The following UTRN variants were observed in gnomAD, a reference collection of about 807,000 sequenced individuals.
UTRN encodes dystrophin-related protein 1.
Under a neutral mutation model 463.9 loss-of-function variants are expected in UTRN, and 283 were observed. The observed-to-expected ratio is 0.61, with a 90% CI of 0.55 to 0.67. The LOEUF is 0.67. UTRN is among the 30% of genes least tolerant of loss of function. UTRN has a pLI of 0.00. For missense variants in UTRN, 3,922 were observed against 4,084.3 expected (o/e 0.96, Z 1.08); for synonymous variants, 1,442 against 1,431.5 (o/e 1.01, Z -0.17).
At chr6:144,741,473 G>A (rs186971237) in intron 54 of UTRN, among the ~76,000 whole-genome samples, 1 of 152,114 alleles carries the variant, frequency 6.6e-6, no homozygotes, top group Non-Finnish European at 1.5e-5. Context: ...TACGTTTTGA[G>A]TGCCTACCAT....
At chr6:144,688,440 C>G (rs79926719) in intron 52 of UTRN, among the ~76,000 whole-genome samples, 1 of 152,030 alleles carries the variant, frequency 6.6e-6, no homozygotes, top group Middle Eastern at 3.2e-3. Context: ...GTTAAAGAAC[C>G]CTGTTTGGTC....
At chr6:144,482,434 T>TATG in intron 27 of UTRN, 46 bp downstream of exon 27, 1 of 1,154,724 alleles carries the variant, frequency 8.7e-7, no homozygotes, top group Non-Finnish European at 1.1e-6. Context: ...TTATTATTAT[T>TATG]ATTATTATTT....
At chr6:144,405,608 A>G (rs1380863123) in intron 3 of UTRN, among the ~76,000 whole-genome samples, 5 of 152,180 alleles carry the variant, frequency 3.3e-5, no homozygotes, top group Non-Finnish European at 5.9e-5. Context: ...CTACTTCCCT[A>G]CAGTGTGGGT....
intron 51 of UTRN, among the ~76,000 whole-genome samples, chr6:144,618,857 T>C (rs1481772715): frequency 6.6e-6 from 1 of 152,092 alleles, no homozygotes; most frequent in African/African-American, 2.4e-5. Context: ...ACACCAAATA[T>C]GTTTTATTTA....
chr6:144,727,486 T>C (rs887000986), intron 53 of UTRN, among the ~76,000 whole-genome samples: 4 of 152,288 alleles, frequency 2.6e-5, no homozygotes, highest in African/African-American at 4.8e-5. Flanking sequence ...GAGCCAGGCG[T>C]GGTGGCCCAT....
chr6:144,836,451 A>G lies in UTRN; in HGVS notation c.9975A>G (p.Lys3325=), dbSNP rs1239537363. Residue 3325 remains lysine (K), a synonymous_variant, in exon 71 of 75, where the codon AAA becomes AAG. Coordinates refer to ENST00000367545, the MANE Select transcript of UTRN (RefSeq NM_007124.3). ...IAEAKLLRQH[K]GRLEARMQIL... is the part of the protein sequence containing the mutation. ...AAGCAAAACTCCTCAGGCAGCACAA[A>G]GGTCGGCTGGAGGCTAGGATGCAGA... The G allele has an allele frequency of 7.4e-6, 12 of 1,613,982 alleles. No homozygotes were observed. The highest frequency in any genetic ancestry group is 6.7e-5 in the Admixed American group (4 of 59,980).
At chr6:144,464,049 G>A (rs1789687007) in intron 23 of UTRN, among the ~76,000 whole-genome samples, 1 of 150,926 alleles carries the variant, frequency 6.6e-6, no homozygotes, top group South Asian at 2.1e-4. Context: ...CATATATTTG[G>A]ATCTAGATCT....
chr6:144,373,684 C>T (rs1449037804), intron 2 of UTRN, among the ~76,000 whole-genome samples: 1 of 152,102 alleles, frequency 6.6e-6, no homozygotes, highest in Non-Finnish European at 1.5e-5. Context: ...GAATTACATC[C>T]CAATGACAAA....
chr6:144,514,533 T>A (rs1795449997), intron 36 of UTRN, 117 bp from the exon 37 acceptor site: 1 of 1,087,116 alleles, frequency 9.2e-7, no homozygotes, highest in Admixed American at 2.3e-5. Flanking sequence ...TATGCTGAAA[T>A]CTCTTACTGG....
At chr6:144,503,136 A>T (rs1794362849) in intron 34 of UTRN, among the ~76,000 whole-genome samples, 1 of 152,022 alleles carries the variant, frequency 6.6e-6, no homozygotes, top group African/African-American at 2.4e-5. Context: ...ATTTCCTTGT[A>T]GATTCAGGAT....
intron 2 of UTRN, among the ~76,000 whole-genome samples, chr6:144,402,043 T>C (rs1303509475): frequency 5.3e-5 from 8 of 152,232 alleles, no homozygotes; most frequent in African/African-American, 1.9e-4. Flanking sequence ...AATGCTGTTT[T>C]GTAGGATTTA....
chr6:144,540,813 T>C (rs1797917997), intron 45 of UTRN, among the ~76,000 whole-genome samples: 1 of 152,162 alleles, frequency 6.6e-6, no homozygotes, highest in South Asian at 2.1e-4. Flanking sequence ...AAAATACGTA[T>C]CTACTGGATG....
intron 51 of UTRN, among the ~76,000 whole-genome samples, chr6:144,629,040 C>T (rs953366187): frequency 6.6e-6 from 1 of 152,136 alleles, no homozygotes; most frequent in Non-Finnish European, 1.5e-5. Flanking sequence ...TGGTAGCTCT[C>T]TTTATGAAAT....
In UTRN at chr6:144,341,333, G is replaced by A. The variant is rs545788910; in HGVS notation, c.79+49426G>A. ...TATTTTCTTTGTTGTACTTTGTATA[G>A]TTTTTGTTCTGTTTAGTTTTGGGGG... On this transcript the variant is annotated intron_variant, in intron 2 of 74. Coordinates refer to ENST00000367545, the MANE Select transcript of UTRN (RefSeq NM_007124.3). Among the ~76,000 whole-genome samples the A allele has an allele frequency of 1.4e-4, 21 of 152,262 alleles. 1 individual carries two copies. In the South Asian group the frequency reaches 4.4e-3, roughly 32 times the overall value.
At chr6:144,785,495 T>G (rs1395042110) in intron 61 of UTRN, among the ~76,000 whole-genome samples, 1 of 152,244 alleles carries the variant, frequency 6.6e-6, no homozygotes, top group African/African-American at 2.4e-5. Flanking sequence ...GATAATCATT[T>G]GATTATTCTT....
chr6:144,339,949 C>T (rs754436743), intron 2 of UTRN, among the ~76,000 whole-genome samples: 1 of 152,178 alleles, frequency 6.6e-6, no homozygotes, highest in Non-Finnish European at 1.5e-5. Context: ...GGACAGATCG[C>T]TTGAGGTCAG....
intron 50 of UTRN, among the ~76,000 whole-genome samples, chr6:144,559,845 C>A (rs1799707536): frequency 6.6e-6 from 1 of 152,126 alleles, no homozygotes; most frequent in Non-Finnish European, 1.5e-5. Flanking sequence ...ATGGTCTAAT[C>A]TAATATTCTC....
intron 2 of UTRN, among the ~76,000 whole-genome samples, chr6:144,316,037 C>G (rs915417238): frequency 6.6e-6 from 1 of 152,056 alleles, no homozygotes; most frequent in Admixed American, 6.5e-5. Context: ...TCTGCACTAC[C>G]TTCTCATCTT....
At chr6:144,405,473 G>A (rs371680625) in intron 3 of UTRN, among the ~76,000 whole-genome samples, 2 of 152,072 alleles carry the variant, frequency 1.3e-5, no homozygotes, top group African/African-American at 2.4e-5. Context: ...TAGGTAATGC[G>A]AGGATAGAAC....
Sources: allele counts gnomAD v4.1 joint callset (sites outside exome capture counted in the v4.1 genomes callset), GRCh38; gene constraint gnomAD v4.1.1; transcripts MANE v1.5; gene names NCBI Gene and HGNC (gene_info 2026-07-23, HGNC 2026-07-21).